The following GBF1 variants were observed in gnomAD, a reference collection of about 807,000 sequenced individuals.
The protein encoded by GBF1 is Golgi-specific brefeldin A-resistance guanine nucleotide exchange factor 1.
Under a neutral mutation model 210.5 loss-of-function variants are expected in GBF1, and 114 were observed. The ratio of observed to expected loss-of-function variants is 0.54; its 90% CI spans 0.47 to 0.63. The LOEUF is 0.63. Among genes scored for constraint, GBF1 ranks in the 30% least tolerant of loss-of-function variants. GBF1 has a pLI of 0.00. For synonymous variants in GBF1, 850 were observed against 889.2 expected (o/e 0.96, Z 0.78); for missense variants, 1,851 against 2,357.7 (o/e 0.79, Z 4.45).
At chr10:102,343,028 T>G (rs2058305643) in intron 3 of GBF1, among the ~76,000 whole-genome samples, 1 of 152,228 alleles carries the variant, frequency 6.6e-6, no homozygotes, top group South Asian at 2.1e-4. Flanking sequence ...GTATCTTATC[T>G]GAGCCTTTTC....
Position 102,369,895 on chromosome 10 carries a change from C to G in GBF1, c.3250C>G (p.Leu1084Val). The change falls in exon 26 of 40, where the codon CTA becomes GTA. Residue 1084 changes from leucine to valine, a missense_variant. Leu to Val is a conservative substitution (Grantham distance 32, BLOSUM62 1). Coordinates refer to ENST00000369983, the MANE Select transcript of GBF1 (RefSeq NM_001377137.1). The part of the protein sequence containing the change: ...ESTVLSFVSW[L>V]TLSGPEQSSV... ...AACAGTGCTGAGCTTTGTGAGCTGG[C>G]TAACACTGAGTGGTCCTGAGCAGTC... 1 of 1,614,090 alleles carries G rather than the reference C, an allele frequency of 6.2e-7. No homozygotes were observed. The highest frequency in any genetic ancestry group is 8.5e-7 in the Non-Finnish European group (1 of 1,179,948).
Position 102,380,563 on chromosome 10 carries a change from A to G in GBF1, c.5050A>G (p.Ile1684Val). The G allele has an allele frequency of 6.2e-7, 1 of 1,613,780 alleles. No individual in the cohort carries two copies. The highest frequency in any genetic ancestry group is 2.2e-5 in the East Asian group (1 of 44,858). The part of the protein sequence containing the change: ...NMLLVMDTAE[I>V]FHSADARGGG... ...GCTTCTGGTGATGGACACAGCGGAG[A>G]TTTTCCACAGTGCAGATGCACGGGG... is the stretch of plus-strand genomic sequence containing the variant. The change falls in exon 38 of 40, where the codon ATT becomes GTT. Residue 1684 changes from isoleucine to valine, a missense_variant. Ile to Val is a conservative substitution (Grantham distance 29, BLOSUM62 3). This residue lies in a region of GBF1 where 967 missense variants were observed against 1,247.7 expected (regional missense o/e 0.78). Transcript: ENST00000369983.
At chr10:102,331,851 ATTTTTTT>A (rs869198412) in intron 3 of GBF1, among the ~76,000 whole-genome samples, 14 of 85,318 alleles carry the variant, frequency 1.6e-4, no homozygotes, top group Middle Eastern at 0.011. Context: ...TACCTGGCTA[ATTTTTTT>A]TTTTTTTTTT....
At chr10:102,280,391 C>T (rs2075381538) in intron 3 of GBF1, among the ~76,000 whole-genome samples, 1 of 152,082 alleles carries the variant, frequency 6.6e-6, no homozygotes, top group African/African-American at 2.4e-5. Context: ...GAAATTGTCC[C>T]ATCCTTGACT....
intron 3 of GBF1, among the ~76,000 whole-genome samples, chr10:102,274,408 A>G (rs1422907341): frequency 6.6e-6 from 1 of 151,292 alleles, no homozygotes; most frequent in Non-Finnish European, 1.5e-5. Flanking sequence ...AGCTGCTTTT[A>G]GGGCCTTGAA....
chr10:102,287,673 A>G (rs1353054602), intron 3 of GBF1, among the ~76,000 whole-genome samples: 1 of 152,152 alleles, frequency 6.6e-6, no homozygotes, highest in Non-Finnish European at 1.5e-5. Context: ...TGGGCCTCTC[A>G]ATAGGACTGC....
rs371534703 is a variant in GBF1 at position 102,370,695 on chromosome 10, A to G, written c.3507-12A>G. ...TGGCTGAGACTATCTTCATTCCTTT[A>G]TGTCTACACAGGGATCGTGTGGGCT... On this transcript the variant is annotated splice_polypyrimidine_tract_variant and intron_variant, in intron 28 of 39. Transcript: ENST00000369983. 3.7e-6 allele frequency: 6 copies of G among 1,612,974 alleles called. No individual in the cohort carries two copies. In the South Asian group the frequency reaches 4.4e-5, roughly 12 times the overall value.
chr10:102,351,237 T>C lies in GBF1; in HGVS notation c.296-19T>C, dbSNP rs769835803. The C allele has an allele frequency of 1.5e-6, 2 of 1,320,154 alleles. No individual in the cohort carries two copies. Among genetic ancestry groups the C allele is most frequent in the South Asian group, 2.4e-5 (2 of 85,000 alleles). 81.8% of individuals were successfully genotyped at this position (1,320,154 alleles called of 1,614,324 possible). A position where few individuals can be genotyped will look rare whatever the true frequency, so the allele number is the denominator to read the frequency against. ...TCTCCTCTCCACATCACTTAATCTT[T>C]CCTTTTTCGCTGGAGCAGATCCCAC... On this transcript the variant is annotated intron_variant, in intron 4 of 39. Coordinates refer to ENST00000369983, the MANE Select transcript of GBF1 (RefSeq NM_001377137.1).
At chr10:102,244,181 G>T (rs375867051), upstream of GBF1, among the ~76,000 whole-genome samples, 4 of 152,102 alleles carry the variant, frequency 2.6e-5, no homozygotes, top group African/African-American at 4.8e-5. Context: ...AAAAAATAGC[G>T]CATCGTAGCA....
chr10:102,259,221 C>T (rs2072873143), intron 2 of GBF1, among the ~76,000 whole-genome samples, 187 bp downstream of exon 2: 1 of 152,024 alleles, frequency 6.6e-6, no homozygotes, highest in African/African-American at 2.4e-5. Context: ...TTCTCTGGGA[C>T]CCAAAAGATG....
chr10:102,334,836 G>A (rs939863900), intron 3 of GBF1, among the ~76,000 whole-genome samples: 3 of 150,582 alleles, frequency 2.0e-5, no homozygotes, highest in Non-Finnish European at 2.9e-5. Context: ...GTGACAGAGC[G>A]AGACTTCGTC....
chr10:102,267,666 A>G (rs1046648951), intron 3 of GBF1, among the ~76,000 whole-genome samples: 1 of 152,216 alleles, frequency 6.6e-6, no homozygotes, highest in African/African-American at 2.4e-5. Flanking sequence ...AGAAGGTTGA[A>G]TGGGTCATCA....
intron 3 of GBF1, among the ~76,000 whole-genome samples, chr10:102,278,268 A>G (rs1041198059): frequency 3.3e-5 from 5 of 151,528 alleles, no homozygotes; most frequent in Admixed American, 6.6e-5. Flanking sequence ...AACATTAAAC[A>G]AAAACACTTT....
chr10:102,232,888 T>C, the GBF1 span, among the ~76,000 whole-genome samples: 3 of 152,164 alleles, frequency 2.0e-5, no homozygotes, highest in Admixed American at 2.0e-4. Context: ...ACCTGATATT[T>C]CTCCCTTAAG....
At chr10:102,358,963 A>C in intron 10 of GBF1, 1 of 591,348 alleles carries the variant, frequency 1.7e-6, no homozygotes, top group Non-Finnish European at 3.0e-6. Flanking sequence ...GTAGTACTTG[A>C]CAAAAGGGAA....
chr10:102,272,396 C>T (rs1445043671), intron 3 of GBF1, among the ~76,000 whole-genome samples: 1 of 152,218 alleles, frequency 6.6e-6, no homozygotes. Flanking sequence ...TGAGCCACTG[C>T]ACCCGGCCGC....
chr10:102,375,254 T>G, intron 29 of GBF1, 105 bp from the exon 30 acceptor site: 1 of 705,746 alleles, frequency 1.4e-6, no homozygotes, highest in South Asian at 1.5e-5. Context: ...CTAGCCAAAC[T>G]GTCTTCACTG....
At chr10:102,269,423 G>C (rs560018390) in intron 3 of GBF1, among the ~76,000 whole-genome samples, 24 of 152,312 alleles carry the variant, frequency 1.6e-4, no homozygotes, top group African/African-American at 5.8e-4. Context: ...CAGCCATGCA[G>C]CTTGCTTCCA....
intron 1 of GBF1, among the ~76,000 whole-genome samples, chr10:102,248,995 T>A (rs1263713902): frequency 6.6e-6 from 1 of 152,134 alleles, no homozygotes; most frequent in Non-Finnish European, 1.5e-5. Context: ...TGTTTTAGAG[T>A]GCAGGCACAG....
Sources: allele counts gnomAD v4.1 joint callset (sites outside exome capture counted in the v4.1 genomes callset), GRCh38; gene constraint gnomAD v4.1.1; regional missense constraint gnomAD v4.1.1; transcripts MANE v1.5; gene names NCBI Gene and HGNC (gene_info 2026-07-23, HGNC 2026-07-21).